The following FANCC variants were observed in gnomAD, a reference collection of about 807,000 sequenced individuals.
FANCC encodes the protein Fanconi anemia group C protein.
FANCC carries 55 observed loss-of-function variants against 71.3 expected under a neutral mutation model. That is an observed-to-expected ratio of 0.77 (90% CI 0.62 to 0.97). FANCC has a LOEUF of 0.97. Among genes scored for constraint, FANCC ranks in the 50% least tolerant of loss-of-function variants. The pLI is 0.00. For synonymous variants in FANCC, 275 were observed against 244.9 expected (o/e 1.12, Z -1.15); for missense variants, 678 against 670.9 (o/e 1.01, Z -0.12).
chr9:95,250,755 T>C (rs146502701), intron 1 of FANCC, among the ~76,000 whole-genome samples: 153 of 152,326 alleles, frequency 1.0e-3, no homozygotes, highest in Non-Finnish European at 1.3e-3. Flanking sequence ...TTCCACCTCA[T>C]TGCCACCCCT....
At chr9:95,265,694 C>T (rs1361797660) in intron 1 of FANCC, among the ~76,000 whole-genome samples, 1 of 152,180 alleles carries the variant, frequency 6.6e-6, no homozygotes, top group East Asian at 1.9e-4. Flanking sequence ...TGCCTTGTGA[C>T]TTGGCTCCAA....
intron 7 of FANCC, among the ~76,000 whole-genome samples, chr9:95,138,171 GAGGACC>G (rs1828008568): frequency 6.6e-6 from 1 of 152,268 alleles, no homozygotes; most frequent in Non-Finnish European, 1.5e-5. Context: ...CGAGGTCAGA[GAGGACC>G]AGGACTCGCA....
chr9:95,174,400 A>G lies in FANCC; in HGVS notation c.346-2253T>C, dbSNP rs1365436936. Among the ~76,000 whole-genome samples, 3 of 152,300 alleles carry G rather than the reference A, an allele frequency of 2.0e-5. No individual in the cohort carries two copies. In the East Asian group the frequency reaches 5.8e-4, roughly 29 times the overall value. Reference sequence around the variant, plus strand: ...TCTTAATATTATCACATGGGTGATTAAGTTTCAACACATGAATTTTAGGGG... The same window carrying G: ...TCTTAATATTATCACATGGGTGATTGAGTTTCAACACATGAATTTTAGGGG... On this transcript the variant is annotated intron_variant, in intron 4 of 14. Transcript: ENST00000289081.
chr9:95,300,208 C>T (rs1190059975), intron 1 of FANCC, among the ~76,000 whole-genome samples: 2 of 152,106 alleles, frequency 1.3e-5, no homozygotes, highest in East Asian at 1.9e-4. Flanking sequence ...TCTCCATCCA[C>T]TGAAAAACTG....
intron 6 of FANCC, among the ~76,000 whole-genome samples, chr9:95,167,292 C>T (rs1018270476): frequency 2.0e-5 from 3 of 152,148 alleles, no homozygotes; most frequent in South Asian, 2.1e-4. Flanking sequence ...TTGTTGTAGG[C>T]CTCTTTGGGT....
chr9:95,155,283 A>AGGGG (rs1830399817), intron 6 of FANCC, among the ~76,000 whole-genome samples: 3 of 54,368 alleles, frequency 5.5e-5, no homozygotes, highest in African/African-American at 1.5e-4. Context: ...AGGGGAGGGG[A>AGGGG]AGGAAGGGGA....
intron 1 of FANCC, among the ~76,000 whole-genome samples, chr9:95,254,729 C>A (rs1435371934): frequency 6.6e-6 from 1 of 152,144 alleles, no homozygotes; most frequent in Non-Finnish European, 1.5e-5. Context: ...CGAGACAGAA[C>A]CGTTCACTCC....
At position 95,207,665 on chromosome 9, in the gene FANCC, C is replaced by T. The variant is rs181717266; in HGVS notation, c.345+32984G>A. Among the ~76,000 whole-genome samples, 71 of 152,252 alleles carry T rather than the reference C, an allele frequency of 4.7e-4. No individual in the cohort carries two copies. The East Asian group carries it at 0.01, about 22-fold the overall frequency. The stretch of plus-strand genomic sequence containing the variant: ...ACTGAGCAGGTCAGACGGACAAATC[C>T]CGGGTGCCTTCTCATTGACAGTGTT... On this transcript the variant is annotated intron_variant, in intron 4 of 14. Coordinates refer to ENST00000289081, the MANE Select transcript of FANCC (RefSeq NM_000136.3).
chr9:95,145,143 G>T (rs931288126), intron 7 of FANCC: 1 of 152,066 alleles, frequency 6.6e-6, no homozygotes, highest in African/African-American at 2.4e-5. Flanking sequence ...TAATTTTTAA[G>T]AGTTATAGAT....
intron 4 of FANCC, among the ~76,000 whole-genome samples, chr9:95,207,656 G>A (rs140057926): frequency 9.3e-4 from 142 of 152,178 alleles, no homozygotes; most frequent in Middle Eastern, 3.4e-3. Context: ...CAGGTCAGAC[G>A]GACAAATCCC....
At chr9:95,182,052 T>C (rs1826406925) in intron 4 of FANCC, among the ~76,000 whole-genome samples, 1 of 152,130 alleles carries the variant, frequency 6.6e-6, no homozygotes, top group Non-Finnish European at 1.5e-5. Flanking sequence ...GGTTGTGGGT[T>C]TTGCTCAGGC....
At chr9:95,114,396 C>A in intron 12 of FANCC, 1 of 583,886 alleles carries the variant, frequency 1.7e-6, no homozygotes, top group South Asian at 1.9e-5. Context: ...GAAAACATTT[C>A]GATACAGGTA....
intron 1 of FANCC, among the ~76,000 whole-genome samples, chr9:95,314,371 C>T (rs1420236246): frequency 6.6e-6 from 1 of 152,118 alleles, no homozygotes; most frequent in African/African-American, 2.4e-5. Context: ...AACTTGCTTT[C>T]GGCCGGGCGC....
chr9:95,302,230 G>A (rs1301885695), intron 1 of FANCC, among the ~76,000 whole-genome samples: 2 of 152,094 alleles, frequency 1.3e-5, no homozygotes, highest in Admixed American at 6.5e-5. Flanking sequence ...CTGCTCCCAC[G>A]TGGTGGACAG....
rs974179870 is a variant in FANCC, at chr9:95,151,680, C to A, written c.522-1593G>T. On this transcript the variant is annotated intron_variant, in intron 6 of 14. Transcript: ENST00000289081. Reference sequence around the variant, plus strand: ...TGGTGGCTCACACATGGAGACCCAGCACTTTGAAAGGCTGAGGCAGGCAGA... The same window carrying A: ...TGGTGGCTCACACATGGAGACCCAGAACTTTGAAAGGCTGAGGCAGGCAGA... 2.0e-5 allele frequency among the ~76,000 whole-genome samples: 3 copies of A among 152,244 alleles called. No individual in the cohort carries two copies. The East Asian group carries it at 5.8e-4, about 29-fold the overall frequency.
chr9:95,177,540 TTTA>T (rs1223259448), intron 4 of FANCC, among the ~76,000 whole-genome samples: 8 of 152,378 alleles, frequency 5.3e-5, no homozygotes, highest in Non-Finnish European at 5.9e-5. Flanking sequence ...TGATAAACCT[TTTA>T]TTTTTGTTGA....
chr9:95,134,115 G>A (rs538851424), intron 8 of FANCC, among the ~76,000 whole-genome samples: 34 of 152,302 alleles, frequency 2.2e-4, no homozygotes, highest in African/African-American at 7.2e-4. Flanking sequence ...AGAGCAGCGT[G>A]GCTGTCAGCA....
chr9:95,167,300 G>A (rs565991550), intron 6 of FANCC, among the ~76,000 whole-genome samples: 1 of 152,046 alleles, frequency 6.6e-6, no homozygotes, highest in South Asian at 2.1e-4. Flanking sequence ...GGCCTCTTTG[G>A]GTTCATTCTT....
At chr9:95,127,608 T>G (rs1293839720) in intron 8 of FANCC, among the ~76,000 whole-genome samples, 3 of 152,204 alleles carry the variant, frequency 2.0e-5, no homozygotes, top group Admixed American at 1.3e-4. Context: ...GGACCCCTGC[T>G]TCACAGCAGC....
Sources: allele counts gnomAD v4.1 joint callset (sites outside exome capture counted in the v4.1 genomes callset), GRCh38; gene constraint gnomAD v4.1.1; transcripts MANE v1.5; gene names NCBI Gene and HGNC (gene_info 2026-07-23, HGNC 2026-07-21).